The following C3orf70 variants were observed in gnomAD, a reference collection of about 807,000 sequenced individuals.
C3orf70 encodes chromosome 3 open reading frame 70, also known as UPF0524 protein C3orf70.
C3orf70 carries 15 observed loss-of-function variants against 20.7 expected under a neutral mutation model. That is an observed-to-expected ratio of 0.72 (90% CI 0.48 to 1.11). The LOEUF (loss-of-function observed/expected upper bound fraction) is 1.11, where lower values mean the gene tolerates loss of function less well. Ranked by LOEUF, C3orf70 falls within the 50% of genes most tolerant of loss-of-function variation. The pLI is 0.00. For missense variants in C3orf70, 332 were observed against 317.6 expected (o/e 1.05, Z -0.34); for synonymous variants, 161 against 125.7 (o/e 1.28, Z -1.88).
chr3:185,111,546 G>C (rs1716072944), intron 1 of C3orf70, among the ~76,000 whole-genome samples: 1 of 152,162 alleles, frequency 6.6e-6, no homozygotes, highest in Non-Finnish European at 1.5e-5. Flanking sequence ...ACCCCCATTA[G>C]GATGACTTCA....
At chr3:185,150,281 C>T (rs565413811) in intron 1 of C3orf70, among the ~76,000 whole-genome samples, 49 of 152,224 alleles carry the variant, frequency 3.2e-4, no homozygotes, top group Non-Finnish European at 6.0e-4. Flanking sequence ...CTGTGGCTTT[C>T]TCTTGTTCAA....
intron 1 of C3orf70, among the ~76,000 whole-genome samples, chr3:185,095,604 C>A (rs1715683726): frequency 1.3e-5 from 2 of 152,168 alleles, no homozygotes. Flanking sequence ...AGCACAGGAA[C>A]TCAGAGACTC....
chr3:185,140,895 G>A (rs1716736907), intron 1 of C3orf70, among the ~76,000 whole-genome samples: 1 of 150,624 alleles, frequency 6.6e-6, no homozygotes, highest in Admixed American at 6.6e-5. Context: ...TTGAACCCAG[G>A]AGGCAGAGGC....
chr3:185,103,014 G>A (rs1436963248), intron 1 of C3orf70, among the ~76,000 whole-genome samples: 1 of 152,192 alleles, frequency 6.6e-6, no homozygotes, highest in Non-Finnish European at 1.5e-5. Context: ...GGAGGCTGAG[G>A]TGAGTGGATC....
chr3:185,121,857 T>C (rs1057414936), intron 1 of C3orf70, among the ~76,000 whole-genome samples: 1 of 152,094 alleles, frequency 6.6e-6, no homozygotes, highest in Non-Finnish European at 1.5e-5. Flanking sequence ...CCCAGCGCTT[T>C]GGGAGGCCAA....
At chr3:185,121,563 G>A (rs1223033785) in intron 1 of C3orf70, among the ~76,000 whole-genome samples, 1 of 152,050 alleles carries the variant, frequency 6.6e-6, no homozygotes, top group Admixed American at 6.5e-5. Flanking sequence ...AGAGACAATA[G>A]CAAGAACAAT....
intron 1 of C3orf70, among the ~76,000 whole-genome samples, chr3:185,113,049 T>C (rs1305560674): frequency 5.9e-5 from 9 of 152,086 alleles, no homozygotes; most frequent in African/African-American, 1.2e-4. Flanking sequence ...ATAAATCCCA[T>C]AGAGATTTGC....
rs1187663285 is a variant in C3orf70, at chr3:185,137,463, T to C, written c.196+15165A>G. 2.0e-5 allele frequency among the ~76,000 whole-genome samples: 3 copies of C among 152,214 alleles called. No individual in the cohort carries two copies. The East Asian group carries it at 5.8e-4, about 29-fold the overall frequency. On this transcript the variant is annotated intron_variant, in intron 1 of 1. Transcript: ENST00000335012. ...ATAAACAGGATCTAAAAGACATTTA[T>C]AGAGCACTTCATCCAACAACAGCAG...
At chr3:185,135,318 G>A (rs1031998616) in intron 1 of C3orf70, among the ~76,000 whole-genome samples, 4 of 152,144 alleles carry the variant, frequency 2.6e-5, no homozygotes, top group Admixed American at 1.3e-4. Context: ...TCTTGGCAAA[G>A]ACAAGAAGTA....
intron 1 of C3orf70, 91 bp downstream of exon 1, chr3:185,152,537 C>A: frequency 8.3e-7 from 1 of 1,207,248 alleles, no homozygotes. Flanking sequence ...CCCGGAGCCC[C>A]GCGGCCGCAG....
chr3:185,090,724 C>T (rs1715548989), intron 1 of C3orf70, among the ~76,000 whole-genome samples: 1 of 152,120 alleles, frequency 6.6e-6, no homozygotes, highest in African/African-American at 2.4e-5. Flanking sequence ...TAGCATATCA[C>T]AAACCAAAAG....
At chr3:185,117,077 G>A (rs1001875297) in intron 1 of C3orf70, among the ~76,000 whole-genome samples, 24 of 152,042 alleles carry the variant, frequency 1.6e-4, no homozygotes, top group African/African-American at 3.6e-4. Context: ...CACCGCGCCC[G>A]GCCTGACCCT....
At chr3:185,128,001 T>C (rs1039289126) in intron 1 of C3orf70, among the ~76,000 whole-genome samples, 8 of 152,174 alleles carry the variant, frequency 5.3e-5, no homozygotes, top group African/African-American at 1.9e-4. Flanking sequence ...ATAGTTCTTA[T>C]ACAACTGCAA....
intron 1 of C3orf70, among the ~76,000 whole-genome samples, chr3:185,147,541 G>C (rs560804017): frequency 2.0e-5 from 3 of 152,354 alleles, no homozygotes; most frequent in South Asian, 2.1e-4. Flanking sequence ...TGATGGTTAA[G>C]AGTCCGGGTG....
chr3:185,083,276 C>T lies in C3orf70; in HGVS notation c.484G>A (p.Val162Ile). ...PHSHRMSPEEVSAHDALISKE... is the reference protein window; with the variant it reads ...PHSHRMSPEEISAHDALISKE... ...GAAATTAAGGCATCGTGTGCAGAGA[C>T]CTCCTCAGGGCTCATTCTGTGGGAA... Residue 162 changes from valine to isoleucine, a missense_variant, in exon 2 of 2, where the codon GTC becomes ATC. Coordinates refer to ENST00000335012, the MANE Select transcript of C3orf70 (RefSeq NM_001025266.3). 1 of 1,614,206 alleles carries T rather than the reference C, an allele frequency of 6.2e-7. No homozygotes were observed. The highest frequency in any genetic ancestry group is 8.5e-7 in the Non-Finnish European group (1 of 1,180,050).
intron 1 of C3orf70, among the ~76,000 whole-genome samples, chr3:185,110,968 CA>C (rs1348888525): frequency 6.6e-6 from 1 of 152,210 alleles, no homozygotes; most frequent in Non-Finnish European, 1.5e-5. Context: ...TCCCACTTCA[CA>C]CCTCTATATT....
In C3orf70 at chr3:185,152,985, A is replaced by G; in HGVS notation, c.-162T>C. The G allele has an allele frequency of 8.6e-6, 4 of 466,500 alleles. No individual in the cohort carries two copies. Among genetic ancestry groups the G allele is most frequent in the Non-Finnish European group, 1.3e-5 (4 of 308,822 alleles). The allele number at this position is 466,500 out of a possible 1,614,324, so 28.9% of individuals were successfully genotyped here. On this transcript the variant is annotated 5_prime_UTR_variant, in exon 1 of 2. Coordinates refer to ENST00000335012, the MANE Select transcript of C3orf70 (RefSeq NM_001025266.3). ...GAGCGCGGCGGTCCCAGGCTCGAGG[A>G]GGAGCCGCCCCGGGCGCTGCGACCG... is the stretch of plus-strand genomic sequence containing the variant.
chr3:185,140,720 G>A (rs1302468563), intron 1 of C3orf70, among the ~76,000 whole-genome samples: 2 of 151,198 alleles, frequency 1.3e-5, no homozygotes, highest in Admixed American at 6.6e-5. Context: ...AAGCCCAGGC[G>A]GATGGATCAC....
intron 1 of C3orf70, among the ~76,000 whole-genome samples, chr3:185,083,934 C>A (rs534061440): frequency 6.6e-6 from 1 of 152,172 alleles, no homozygotes; most frequent in African/African-American, 2.4e-5. Context: ...TACAGCCGGG[C>A]GCAGTGGTTC....
Sources: allele counts gnomAD v4.1 joint callset (sites outside exome capture counted in the v4.1 genomes callset), GRCh38; gene constraint gnomAD v4.1.1; transcripts MANE v1.5; gene names NCBI Gene and HGNC (gene_info 2026-07-23, HGNC 2026-07-21).